PKHD1L1: variants seen among roughly 807,000 people sequenced by gnomAD.
PKHD1L1 encodes fibrocystin-L.
PKHD1L1 carries 434 observed loss-of-function variants against 462.9 expected under a neutral mutation model. That is an observed-to-expected ratio of 0.94 (90% CI 0.87 to 1.02). The LOEUF (loss-of-function observed/expected upper bound fraction) is 1.02, where lower values mean the gene tolerates loss of function less well. Among genes scored for constraint, PKHD1L1 ranks in the 50% least tolerant of loss-of-function variants. The pLI, the probability that PKHD1L1 is intolerant of heterozygous loss-of-function variation, is 0.00. For missense variants in PKHD1L1, 5,202 were observed against 5,096.1 expected (o/e 1.02, Z -0.63); for synonymous variants, 1,781 against 1,750.0 (o/e 1.02, Z -0.44).
chr8:109,378,002 A>G (rs1811924055), intron 2 of PKHD1L1, among the ~76,000 whole-genome samples: 1 of 152,156 alleles, frequency 6.6e-6, no homozygotes, highest in Non-Finnish European at 1.5e-5. Context: ...TCTTTCTGTT[A>G]GATATCCCGT....
At chr8:109,415,063 T>C (rs937986588) in intron 21 of PKHD1L1, among the ~76,000 whole-genome samples, 9 of 151,606 alleles carry the variant, frequency 5.9e-5, no homozygotes, top group African/African-American at 2.2e-4. Context: ...TGTGGGACCA[T>C]CACAGTTCAC....
At chr8:109,482,959 T>C in intron 56 of PKHD1L1, 28 bp from the exon 57 acceptor site, 1 of 1,446,504 alleles carries the variant, frequency 6.9e-7, no homozygotes, top group East Asian at 2.4e-5. Flanking sequence ...GTGGGGTGAA[T>C]AAGTAGGAGT....
At chr8:109,476,862 G>T (rs1053818102) in intron 52 of PKHD1L1, among the ~76,000 whole-genome samples, 195 bp downstream of exon 52, 1 of 152,138 alleles carries the variant, frequency 6.6e-6, no homozygotes, top group African/African-American at 2.4e-5. Context: ...TTCATTTTAT[G>T]TTGAAGGTGA....
chr8:109,378,204 A>T (rs1243916528), intron 2 of PKHD1L1, among the ~76,000 whole-genome samples: 2 of 152,154 alleles, frequency 1.3e-5, no homozygotes, highest in Non-Finnish European at 2.9e-5. Flanking sequence ...TCTTGAACTG[A>T]TGCCATTTAT....
At chr8:109,415,284 G>A (rs543328613) in intron 21 of PKHD1L1, among the ~76,000 whole-genome samples, 1 of 152,166 alleles carries the variant, frequency 6.6e-6, no homozygotes, top group African/African-American at 2.4e-5. Flanking sequence ...GGGATTACAG[G>A]CATGAGACAC....
chr8:109,481,455 G>C lies in PKHD1L1; in HGVS notation c.9350G>C (p.Trp3117Ser), dbSNP rs1458198060. Residue 3117 changes from tryptophan to serine, a missense_variant, in exon 56 of 78, where the codon TGG (tryptophan) becomes TCG (serine). Coordinates refer to ENST00000378402, the MANE Select transcript of PKHD1L1 (RefSeq NM_177531.6). Reference sequence around the variant, plus strand: ...CAGGGAGGTAGATTAATCGGTGGCTGGGAAGATAACCCTTTTAAAGGAGAC... The same window carrying C: ...CAGGGAGGTAGATTAATCGGTGGCTCGGAAGATAACCCTTTTAAAGGAGAC... ...SLQGGRLIGGWEDNPFKGDLK... is the reference protein window; with the variant it reads ...SLQGGRLIGGSEDNPFKGDLK... The C allele has an allele frequency of 6.3e-7, 1 of 1,598,314 alleles. No individual in the cohort carries two copies. Among genetic ancestry groups the C allele is most frequent in the Non-Finnish European group, 8.5e-7 (1 of 1,171,678 alleles).
intron 2 of PKHD1L1, among the ~76,000 whole-genome samples, chr8:109,378,398 C>T (rs1247539749): frequency 6.6e-6 from 1 of 152,184 alleles, no homozygotes; most frequent in African/African-American, 2.4e-5. Flanking sequence ...GGTCTCCTCT[C>T]CTACCATTTC....
intron 76 of PKHD1L1, among the ~76,000 whole-genome samples, chr8:109,526,274 GT>G (rs1034468648): frequency 6.6e-6 from 1 of 152,166 alleles, no homozygotes; most frequent in African/African-American, 2.4e-5. Flanking sequence ...CATGGTAAAA[GT>G]TTTTTGAATC....
chr8:109,440,141 A>G (rs1815692143), intron 32 of PKHD1L1, among the ~76,000 whole-genome samples: 1 of 152,086 alleles, frequency 6.6e-6, no homozygotes, highest in Non-Finnish European at 1.5e-5. Flanking sequence ...TTGGAAGTCA[A>G]ATATGTCATA....
At chr8:109,427,242 C>A in intron 25 of PKHD1L1, 86 bp downstream of exon 25, 1 of 989,118 alleles carries the variant, frequency 1.0e-6, no homozygotes, top group Non-Finnish European at 1.5e-6. Flanking sequence ...GAACTGGAGG[C>A]TATGTTTATT....
intron 27 of PKHD1L1, among the ~76,000 whole-genome samples, chr8:109,431,874 G>A (rs1057492537): frequency 3.3e-5 from 5 of 152,088 alleles, no homozygotes; most frequent in African/African-American, 4.8e-5. Context: ...GGTTGTATGA[G>A]TATTCGGTTT....
chr8:109,426,706 T>G (rs1814766988), intron 24 of PKHD1L1, among the ~76,000 whole-genome samples: 1 of 152,214 alleles, frequency 6.6e-6, no homozygotes, highest in Non-Finnish European at 1.5e-5. Context: ...AAGGCTTTAG[T>G]GCAGTGGCAC....
intron 2 of PKHD1L1, 42 bp from the exon 3 acceptor site, chr8:109,381,328 T>C: frequency 2.0e-6 from 3 of 1,487,364 alleles, no homozygotes; most frequent in Middle Eastern, 1.7e-4. Flanking sequence ...TCTCTGAAGA[T>C]AGAATACCAT....
Position 109,482,936 on chromosome 8 carries a change from C to T in PKHD1L1, c.9458-51C>T, listed in dbSNP as rs1818341331. On this transcript the variant is annotated intron_variant, in intron 56 of 77. Transcript: ENST00000378402. ...GAACATTTTCATTTTATACTAGCACCTAACTCAGTACTGTGGGGTGAATAA... is the reference window on the plus strand; with the variant it reads ...GAACATTTTCATTTTATACTAGCACTTAACTCAGTACTGTGGGGTGAATAA... 7.2e-6 allele frequency: 8 copies of T among 1,113,752 alleles called. No individual in the cohort carries two copies. The South Asian group carries it at 1.3e-4, about 18-fold the overall frequency. The allele number at this position is 1,113,752 out of a possible 1,614,324, so 69.0% of individuals were successfully genotyped here.
chr8:109,475,509 C>T (rs961002879), intron 51 of PKHD1L1, among the ~76,000 whole-genome samples: 1 of 151,976 alleles, frequency 6.6e-6, no homozygotes, highest in Non-Finnish European at 1.5e-5. Context: ...AGCTTATTCC[C>T]CTGTCATTAT....
intron 2 of PKHD1L1, among the ~76,000 whole-genome samples, chr8:109,366,727 T>C (rs1811253329): frequency 6.7e-6 from 1 of 150,014 alleles, no homozygotes; most frequent in Non-Finnish European, 1.5e-5. Flanking sequence ...AGTTTCACTC[T>C]TGTCGTCCAG....
rs536372268 is a variant in PKHD1L1 at position 109,380,233 on chromosome 8, T to G, written c.164-1137T>G. Among the ~76,000 whole-genome samples the G allele has an allele frequency of 2.6e-5, 4 of 152,206 alleles. No homozygotes were observed. In the South Asian group the frequency reaches 8.3e-4, roughly 31 times the overall value. The stretch of plus-strand genomic sequence containing the variant: ...GCTGGCTACCTCTAACACTCTTGTA[T>G]TAAATCTTAGTAGAGCTCTCAGCTG... On this transcript the variant is annotated intron_variant, in intron 2 of 77. Coordinates refer to ENST00000378402, the MANE Select transcript of PKHD1L1 (RefSeq NM_177531.6).
rs763128284 is a variant in PKHD1L1 at position 109,483,057 on chromosome 8, A to T, written c.9528A>T (p.Ala3176=). 2.2e-4 allele frequency: 356 copies of T among 1,601,702 alleles called. No homozygotes were observed. The highest frequency in any genetic ancestry group is 2.9e-4 in the Non-Finnish European group (340 of 1,174,166). Reference sequence around the variant, plus strand: ...ATAAAACTAAGCTCTCAGAAACTGCATTTGCAGGTTCCAAAGTCCTGTCTC... The same window carrying T: ...ATAAAACTAAGCTCTCAGAAACTGCTTTTGCAGGTTCCAAAGTCCTGTCTC... ...SIYKTKLSET[A]FAGSKVLSLM... The change falls in exon 57 of 78, where the codon GCA becomes GCT. Residue 3176 remains alanine (A), a synonymous_variant. Coordinates refer to ENST00000378402, the MANE Select transcript of PKHD1L1 (RefSeq NM_177531.6).
At position 109,394,503 on chromosome 8, in the gene PKHD1L1, C is replaced by G; in HGVS notation, c.811+18C>G. The G allele has an allele frequency of 6.8e-7, 1 of 1,461,996 alleles. No individual in the cohort carries two copies. Among genetic ancestry groups the G allele is most frequent in the East Asian group, 2.5e-5 (1 of 40,128 alleles). 90.6% of individuals were successfully genotyped at this position (1,461,996 alleles called of 1,614,324 possible). On this transcript the variant is annotated intron_variant, in intron 10 of 77. Transcript: ENST00000378402. ...ATATGCAGGTATGTGACTTTTCTTT[C>G]ACTCTGTTGCGGGGGTGGTGGGAAG...
Sources: gnomAD v4.1 joint callset for allele counts (sites outside exome capture counted in the v4.1 genomes callset) on GRCh38, gnomAD v4.1.1 for gene constraint, MANE v1.5 for transcripts, NCBI Gene and HGNC (gene_info 2026-07-23, HGNC 2026-07-21) for gene names.